Variants in GRID2 observed in about 807,000 individuals in gnomAD.
GRID2 encodes glutamate receptor ionotropic, delta-2.
GRID2 carries 33 observed loss-of-function variants against 114.8 expected under a neutral mutation model. The observed-to-expected ratio is 0.29, with a 90% CI of 0.22 to 0.38. The LOEUF (loss-of-function observed/expected upper bound fraction) is 0.38, where lower values mean the gene tolerates loss of function less well. GRID2 is among the 10% of genes least tolerant of loss of function. The pLI is 1.00. For missense variants in GRID2, 1,184 were observed against 1,257.7 expected, an observed-to-expected ratio of 0.94 and a Z score of 0.89; for synonymous variants, 505 against 449.9, an observed-to-expected ratio of 1.12 and a Z score of -1.55.
chr4:92,487,252 TTTC>T (rs1369319473), intron 1 of GRID2, among the ~76,000 whole-genome samples: 8 of 152,034 alleles, frequency 5.3e-5, no homozygotes. Context: ...ATTTTTCCAG[TTTC>T]TTAATATAGA....
intron 8 of GRID2, among the ~76,000 whole-genome samples, chr4:93,331,180 C>T (rs1758397147): frequency 6.7e-6 from 1 of 149,676 alleles, no homozygotes; most frequent in Non-Finnish European, 1.5e-5. Context: ...CTGCTTCCCC[C>T]TTTTCCACTT....
intron 8 of GRID2, among the ~76,000 whole-genome samples, chr4:93,242,822 T>C (rs1047627043): frequency 2.0e-5 from 3 of 152,032 alleles, no homozygotes; most frequent in African/African-American, 7.2e-5. Context: ...AAAACCAGTG[T>C]CATTTAACGG....
At chr4:92,409,673 A>C (rs917487195) in intron 1 of GRID2, among the ~76,000 whole-genome samples, 14 of 152,330 alleles carry the variant, frequency 9.2e-5, no homozygotes, top group Admixed American at 7.2e-4. Context: ...AAATACACAT[A>C]ATAAAATATT....
intron 2 of GRID2, among the ~76,000 whole-genome samples, chr4:92,806,823 A>C (rs959773917): frequency 1.1e-4 from 16 of 152,106 alleles, no homozygotes; most frequent in Middle Eastern, 3.4e-3. Flanking sequence ...AACTCAAAGA[A>C]AGTTATCATT....
intron 10 of GRID2, among the ~76,000 whole-genome samples, chr4:93,453,013 A>G (rs537886154): frequency 6.0e-5 from 9 of 149,750 alleles, no homozygotes. Flanking sequence ...AACATTAGAT[A>G]TATCTCCAAA....
chr4:92,643,072 T>G (rs973789934), intron 2 of GRID2, among the ~76,000 whole-genome samples: 1 of 151,696 alleles, frequency 6.6e-6, no homozygotes, highest in African/African-American at 2.4e-5. Flanking sequence ...ATTGTTTTGG[T>G]TATTTGTGCT....
chr4:93,117,386 C>T (rs2149358760), intron 4 of GRID2, among the ~76,000 whole-genome samples: 1 of 152,074 alleles, frequency 6.6e-6, no homozygotes, highest in South Asian at 2.1e-4. Flanking sequence ...TTGCATGTGA[C>T]AGCATGTGAG....
intron 3 of GRID2, among the ~76,000 whole-genome samples, chr4:93,093,061 C>T (rs1160987673): frequency 6.6e-6 from 1 of 152,082 alleles, no homozygotes; most frequent in African/African-American, 2.4e-5. Flanking sequence ...GTTTATGGAA[C>T]TTCTGCATCT....
chr4:93,089,456 G>A (rs556660516), intron 3 of GRID2, among the ~76,000 whole-genome samples: 2 of 152,110 alleles, frequency 1.3e-5, no homozygotes, highest in Non-Finnish European at 2.9e-5. Flanking sequence ...TAGAAATATT[G>A]CAACCTCAAA....
rs576878551 is a variant in GRID2 at position 93,569,999 on chromosome 4, C to T, written c.2193+54588C>T. ...TACTGCTTACTTATTGACATGCTCT[C>T]AATGTTATTAGAATATGTTAATAAA... On this transcript the variant is annotated intron_variant, in intron 13 of 15. Transcript: ENST00000282020. Among the ~76,000 whole-genome samples, 37 of 152,250 alleles carry T rather than the reference C, an allele frequency of 2.4e-4. No homozygotes were observed. In the South Asian group the frequency reaches 7.2e-3, roughly 30 times the overall value.
At position 93,616,445 on chromosome 4, in the gene GRID2, G is replaced by A. The variant is rs191248558; in HGVS notation, c.2194-9824G>A. 5.2e-4 allele frequency among the ~76,000 whole-genome samples: 78 copies of A among 151,308 alleles called. 1 individual carries two copies. The highest frequency in any genetic ancestry group is 7.4e-5 in the Non-Finnish European group (5 of 67,766). Reference sequence around the variant, plus strand: ...ACCTGTAGTCCCAGCTACTCAGGAGGTTGAGGCAGGAAAATGGTTTGAACC... The same window carrying A: ...ACCTGTAGTCCCAGCTACTCAGGAGATTGAGGCAGGAAAATGGTTTGAACC... On this transcript the variant is annotated intron_variant, in intron 13 of 15. Coordinates refer to ENST00000282020, the MANE Select transcript of GRID2 (RefSeq NM_001510.4).
Position 93,346,214 on chromosome 4 carries a change from A to C in GRID2, c.1246-49393A>C, listed in dbSNP as rs111523414. On this transcript the variant is annotated intron_variant, in intron 8 of 15. Transcript: ENST00000282020. ...ATTAGTAGTTTGATTTCAAATGTGA[A>C]ACTTGTGACTTTTTTATTTATGGCA... 3.3e-3 allele frequency among the ~76,000 whole-genome samples: 507 copies of C among 152,244 alleles called. 7 individuals are homozygous for C. Among genetic ancestry groups the C allele is most frequent in the African/African-American group, 0.012 (487 of 41,562 alleles).
chr4:93,614,333 T>TC (rs1355372681), intron 13 of GRID2, among the ~76,000 whole-genome samples: 1 of 152,106 alleles, frequency 6.6e-6, no homozygotes, highest in African/African-American at 2.4e-5. Flanking sequence ...TCTTGGCTCC[T>TC]CCCCCCTGAA....
intron 8 of GRID2, among the ~76,000 whole-genome samples, chr4:93,251,397 A>C (rs1748912739): frequency 6.6e-6 from 1 of 152,190 alleles, no homozygotes; most frequent in African/African-American, 2.4e-5. Context: ...TTATTTCCAG[A>C]TATGATCTAT....
chr4:93,038,082 A>C (rs7670430), intron 2 of GRID2, among the ~76,000 whole-genome samples: 64,352 of 151,962 alleles, frequency 0.42, 14,002 homozygotes, highest in Middle Eastern at 0.55. Context: ...GATTTTTCCT[A>C]TCCATGAGCA....
At chr4:93,749,982 C>T (rs1732170676) in intron 14 of GRID2, among the ~76,000 whole-genome samples, 1 of 152,180 alleles carries the variant, frequency 6.6e-6, no homozygotes, top group Non-Finnish European at 1.5e-5. Flanking sequence ...GATAGGTGCT[C>T]AATAAATGTG....
intron 11 of GRID2, among the ~76,000 whole-genome samples, chr4:93,468,233 CAACAGT>C (rs1724476477): frequency 6.6e-6 from 1 of 152,064 alleles, no homozygotes; most frequent in Admixed American, 6.6e-5. Context: ...AAAGATCATT[CAACAGT>C]TAGTGTATGT....
rs1268232607 is a variant in GRID2, at chr4:93,619,503, G to A, written c.2194-6766G>A. 2.0e-5 allele frequency among the ~76,000 whole-genome samples: 3 copies of A among 152,194 alleles called. No homozygotes were observed. In the East Asian group the frequency reaches 5.8e-4, roughly 29 times the overall value. ...ATTAGTTAAAATTGGAAAGAAGTTT[G>A]CAGCTTAGTGGGCAAGGCTAGAATT... On this transcript the variant is annotated intron_variant, in intron 13 of 15. Transcript: ENST00000282020.
At chr4:92,824,175 A>AT (rs1189797420) in intron 2 of GRID2, among the ~76,000 whole-genome samples, 1 of 152,122 alleles carries the variant, frequency 6.6e-6, no homozygotes, top group Non-Finnish European at 1.5e-5. Context: ...AGATAAAGGC[A>AT]TTTTTGCCTG....
Sources: gnomAD v4.1 joint callset for allele counts (sites outside exome capture counted in the v4.1 genomes callset) on GRCh38, gnomAD v4.1.1 for gene constraint, MANE v1.5 for transcripts, NCBI Gene and HGNC (gene_info 2026-07-23, HGNC 2026-07-21) for gene names.